LMF1: variants seen among roughly 807,000 people sequenced by gnomAD.
The protein encoded by LMF1 is lipase maturation factor 1, also known as transmembrane protein 112.
In LMF1, 68 loss-of-function variants were observed where a neutral mutation model predicts 60.6. That is an observed-to-expected ratio of 1.12 (90% CI 0.92 to 1.37). The LOEUF (loss-of-function observed/expected upper bound fraction) is 1.37. Among genes scored for constraint, LMF1 ranks in the 40% most tolerant of loss-of-function variants. The pLI is 0.00. For missense variants in LMF1, 948 were observed against 767.2 expected, an observed-to-expected ratio of 1.24 and a Z score of -2.78; for synonymous variants, 418 against 324.7, an observed-to-expected ratio of 1.29 and a Z score of -3.09.
chr16:891,473 C>A (rs896613990), intron 5 of LMF1, among the ~76,000 whole-genome samples: 1 of 152,250 alleles, frequency 6.6e-6, no homozygotes, highest in Non-Finnish European at 1.5e-5. Flanking sequence ...CTCACCAGCA[C>A]GCAGCCTTCG....
At chr16:949,210 GAC>G (rs2072358800) in intron 2 of LMF1, among the ~76,000 whole-genome samples, 1 of 147,914 alleles carries the variant, frequency 6.8e-6, no homozygotes, top group African/African-American at 2.5e-5. Context: ...GTCAGCCAAC[GAC>G]AGAGTCAGCC....
At chr16:892,267 C>T (rs2070511100) in intron 5 of LMF1, among the ~76,000 whole-genome samples, 1 of 152,172 alleles carries the variant, frequency 6.6e-6, no homozygotes, top group Admixed American at 6.5e-5. Flanking sequence ...AGTGACGGGC[C>T]AAATGCAGGA....
At chr16:932,111 C>T (rs1013228890) in intron 3 of LMF1, among the ~76,000 whole-genome samples, 2 of 152,232 alleles carry the variant, frequency 1.3e-5, no homozygotes, top group Non-Finnish European at 2.9e-5. Flanking sequence ...CAGAGTCACC[C>T]GGCTCCTCGA....
intron 10 of LMF1, among the ~76,000 whole-genome samples, chr16:866,283 C>T (rs750545315): frequency 2.6e-5 from 4 of 152,202 alleles, no homozygotes; most frequent in Admixed American, 6.5e-5. Context: ...TATTACCTTG[C>T]TCCTGCCAGG....
At chr16:981,139 C>G (rs755131185) in intron 1 of LMF1, 9 of 442,752 alleles carry the variant, frequency 2.0e-5, no homozygotes, top group South Asian at 1.4e-4. Flanking sequence ...CCTTGAAGCG[C>G]GTTACCTGGA....
intron 3 of LMF1, among the ~76,000 whole-genome samples, chr16:930,424 A>G (rs749940006): frequency 1.3e-5 from 2 of 152,248 alleles, no homozygotes; most frequent in African/African-American, 2.4e-5. Context: ...TTAGCTGGCC[A>G]TGACAGTGCG....
At chr16:979,410 C>G (rs897538525) in intron 1 of LMF1, 1 of 353,712 alleles carries the variant, frequency 2.8e-6, no homozygotes, top group Non-Finnish European at 5.6e-6. Flanking sequence ...CCCACCTCCC[C>G]ACCCCTCCTG....
chr16:980,050 G>C (rs2073300195), intron 1 of LMF1: 1 of 318,324 alleles, frequency 3.1e-6, no homozygotes, highest in Non-Finnish European at 6.2e-6. Context: ...GGCCAGGCTG[G>C]CAGCCAGCTC....
chr16:931,624 C>T (rs974413927), intron 3 of LMF1: 101 of 1,284,434 alleles, frequency 7.9e-5, no homozygotes, highest in Non-Finnish European at 9.9e-5. Context: ...TTCTGAGGCC[C>T]AGCACCCGGA....
At chr16:976,832 C>T (rs1286934924) in intron 1 of LMF1, 3 of 454,152 alleles carry the variant, frequency 6.6e-6, no homozygotes, top group South Asian at 4.7e-5. Context: ...TCGCCTGCTC[C>T]CTGAATCCTT....
chr16:978,922 A>C (rs2073255308), intron 1 of LMF1: 5 of 451,026 alleles, frequency 1.1e-5, no homozygotes, highest in South Asian at 7.8e-5. Context: ...CTCTCCCTGC[A>C]GGAGATCAGA....
chr16:869,026 G>T lies in LMF1; in HGVS notation c.1447C>A (p.Leu483Met). 6.2e-7 allele frequency: 1 copy of T among 1,612,654 alleles called. No homozygotes were observed. Among genetic ancestry groups the T allele is most frequent in the Non-Finnish European group, 8.5e-7 (1 of 1,179,658 alleles). Residue 483 changes from leucine (L) to methionine (M), a missense_variant, in exon 10 of 11, where the codon CTG becomes ATG. By Grantham distance (15) the Leu-to-Met change is conservative. Coordinates refer to ENST00000262301, the MANE Select transcript of LMF1 (RefSeq NM_022773.4). ...TCGCTGGCCAGGAGCTTGCCAGCCA[G>T]GTGGATGATCCAGTCGTTGTGCTCG... ...TYEHNDWIIHLAGKLLASDAE... is the reference protein window; with the variant it reads ...TYEHNDWIIHMAGKLLASDAE...
rs1313342187 is a variant in LMF1, at chr16:874,474, C to A, written c.898-3133G>T. On this transcript the variant is annotated intron_variant, in intron 6 of 10. Coordinates refer to ENST00000262301, the MANE Select transcript of LMF1 (RefSeq NM_022773.4). The surrounding 1 kb of genome is among the most constrained non-coding windows in gnomAD (Gnocchi z 4.1). Reference sequence around the variant, plus strand: ...GGGCTGCGTCTCCCTGTCACCAGTGCCCTAGTGGAGGCTGATGGCTCCCGT... The same window carrying A: ...GGGCTGCGTCTCCCTGTCACCAGTGACCTAGTGGAGGCTGATGGCTCCCGT... Among the ~76,000 whole-genome samples, 2 of 152,212 alleles carry A rather than the reference C, an allele frequency of 1.3e-5. No homozygotes were observed. The highest frequency in any genetic ancestry group is 2.9e-5 in the Non-Finnish European group (2 of 68,026).
intron 6 of LMF1, chr16:873,186 C>G (rs2069853004): frequency 6.6e-6 from 1 of 152,320 alleles, no homozygotes; most frequent in Admixed American, 6.5e-5. Context: ...AAACGCAGTT[C>G]CGCGTAGAGT....
chr16:873,502 G>A (rs886185170), intron 6 of LMF1: 9 of 152,400 alleles, frequency 5.9e-5, no homozygotes, highest in Non-Finnish European at 1.0e-4. Context: ...AAGGAAGAGT[G>A]GCATCTTTGG....
intron 5 of LMF1, among the ~76,000 whole-genome samples, chr16:882,001 C>T (rs2070175174): frequency 6.6e-6 from 1 of 152,200 alleles, no homozygotes; most frequent in South Asian, 2.1e-4. Context: ...ACAAGCCAAT[C>T]ACAAGCGTCC....
intron 3 of LMF1, among the ~76,000 whole-genome samples, chr16:912,061 C>A (rs997433436): frequency 6.6e-6 from 1 of 152,148 alleles, no homozygotes; most frequent in Non-Finnish European, 1.5e-5. Flanking sequence ...CATCCCAGGG[C>A]CCCAGAGACC....
At chr16:909,014 T>C (rs2071038523) in intron 4 of LMF1, among the ~76,000 whole-genome samples, 1 of 152,188 alleles carries the variant, frequency 6.6e-6, no homozygotes, top group Non-Finnish European at 1.5e-5. Context: ...GGTCCCTCTC[T>C]GTGGGTCTCC....
At chr16:941,265 T>C (rs2072094694) in intron 2 of LMF1, among the ~76,000 whole-genome samples, 1 of 152,108 alleles carries the variant, frequency 6.6e-6, no homozygotes, top group African/African-American at 2.4e-5. Flanking sequence ...AGTCTCACTC[T>C]GTTGCCCAGG....
Sources: allele counts gnomAD v4.1 joint callset (sites outside exome capture counted in the v4.1 genomes callset), GRCh38; gene constraint gnomAD v4.1.1; non-coding constraint Gnocchi (gnomAD v3.1); transcripts MANE v1.5; gene names NCBI Gene and HGNC (gene_info 2026-07-23, HGNC 2026-07-21).